The following GUCY1A2 variants were observed in gnomAD, a reference collection of about 807,000 sequenced individuals.
GUCY1A2 encodes the protein guanylate cyclase soluble subunit alpha-2.
A neutral mutation model predicts 63.5 loss-of-function variants in GUCY1A2; 27 were observed. The ratio of observed to expected loss-of-function variants is 0.43; its 90% CI spans 0.31 to 0.59. The LOEUF is 0.59. Among genes scored for constraint, GUCY1A2 ranks in the 20% least tolerant of loss-of-function variants. The probability of loss-of-function intolerance (pLI) is 0.11; values close to 1 mark genes in which losing one functional copy is unlikely to be tolerated. For synonymous variants in GUCY1A2, 364 were observed against 343.5 expected (o/e 1.06, Z -0.66); for missense variants, 768 against 913.3 (o/e 0.84, Z 2.05).
At chr11:106,777,600 T>C (rs1864380880) in intron 5 of GUCY1A2, among the ~76,000 whole-genome samples, 1 of 151,446 alleles carries the variant, frequency 6.6e-6, no homozygotes, top group East Asian at 1.9e-4. Flanking sequence ...AAACACTGCA[T>C]GTTCTCACTC....
At chr11:106,816,748 A>G (rs182429978) in intron 4 of GUCY1A2, among the ~76,000 whole-genome samples, 2 of 151,972 alleles carry the variant, frequency 1.3e-5, no homozygotes, top group African/African-American at 4.8e-5. Context: ...AAAAATCAAC[A>G]TAAGGAACAA....
At chr11:106,831,729 A>G (rs7941031) in intron 4 of GUCY1A2, among the ~76,000 whole-genome samples, 4 of 152,112 alleles carry the variant, frequency 2.6e-5, no homozygotes, top group African/African-American at 9.7e-5. Flanking sequence ...AGAGGCACCC[A>G]ACCTGCCTCA....
chr11:106,950,726 C>T (rs1054700236), intron 3 of GUCY1A2, among the ~76,000 whole-genome samples: 9 of 152,184 alleles, frequency 5.9e-5, no homozygotes, highest in African/African-American at 9.7e-5. Flanking sequence ...GGAGGGCTTA[C>T]TCAGAGCTGT....
chr11:106,870,756 T>G (rs1036700970), intron 4 of GUCY1A2, among the ~76,000 whole-genome samples: 3 of 152,124 alleles, frequency 2.0e-5, no homozygotes, highest in Non-Finnish European at 4.4e-5. Flanking sequence ...CCAGAAAGCT[T>G]CTTCTTCTCT....
intron 1 of GUCY1A2, among the ~76,000 whole-genome samples, chr11:106,990,890 A>C (rs1264469422): frequency 6.6e-6 from 1 of 152,248 alleles, no homozygotes; most frequent in Non-Finnish European, 1.5e-5. Flanking sequence ...TAATTTAAAA[A>C]CAATCAAACT....
chr11:106,948,657 A>G (rs1035612240), intron 3 of GUCY1A2, among the ~76,000 whole-genome samples: 3 of 152,220 alleles, frequency 2.0e-5, no homozygotes, highest in African/African-American at 7.2e-5. Context: ...TGGAGGTTCT[A>G]GAAAATACTG....
intron 4 of GUCY1A2, among the ~76,000 whole-genome samples, chr11:106,842,720 G>C (rs1265722514): frequency 1.3e-5 from 2 of 151,940 alleles, no homozygotes; most frequent in East Asian, 1.9e-4. Flanking sequence ...GAGGAAAAAG[G>C]GGGTAGGGAG....
chr11:106,932,423 A>C (rs1860615868), intron 4 of GUCY1A2, among the ~76,000 whole-genome samples: 1 of 152,134 alleles, frequency 6.6e-6, no homozygotes, highest in Admixed American at 6.6e-5. Context: ...TTTTAACCTT[A>C]TACTAATTTT....
intron 4 of GUCY1A2, among the ~76,000 whole-genome samples, chr11:106,850,132 C>A (rs1264150808): frequency 1.3e-5 from 2 of 151,674 alleles, no homozygotes; most frequent in African/African-American, 2.4e-5. Context: ...TAAATGGAAC[C>A]ATATTCCCAT....
chr11:106,917,905 A>G (rs1167415702), intron 4 of GUCY1A2, among the ~76,000 whole-genome samples: 2 of 140,664 alleles, frequency 1.4e-5, no homozygotes, highest in Non-Finnish European at 3.2e-5. Context: ...TAACTAACCT[A>G]CACGTTGTGC....
At chr11:106,892,787 T>A (rs1299425723) in intron 4 of GUCY1A2, among the ~76,000 whole-genome samples, 4 of 152,152 alleles carry the variant, frequency 2.6e-5, no homozygotes, top group African/African-American at 9.7e-5. Flanking sequence ...AATTATCCAA[T>A]GTGTAGAAAA....
chr11:106,869,772 A>C (rs377102431), intron 4 of GUCY1A2, among the ~76,000 whole-genome samples: 3 of 152,058 alleles, frequency 2.0e-5, no homozygotes, highest in Admixed American at 1.3e-4. Context: ...ACCCAAAGGA[A>C]TATAAATCAT....
At chr11:106,977,748 T>C (rs1861281033) in intron 3 of GUCY1A2, among the ~76,000 whole-genome samples, 1 of 152,186 alleles carries the variant, frequency 6.6e-6, no homozygotes, top group Non-Finnish European at 1.5e-5. Flanking sequence ...GTCCATCACC[T>C]GACCCCAAAA....
At chr11:106,914,973 A>T (rs1565330261) in intron 4 of GUCY1A2, among the ~76,000 whole-genome samples, 3 of 152,126 alleles carry the variant, frequency 2.0e-5, no homozygotes, top group East Asian at 1.9e-4. Flanking sequence ...GTTGAAATTT[A>T]AAAAAACGCC....
At chr11:106,921,470 T>G (rs1860443339) in intron 4 of GUCY1A2, among the ~76,000 whole-genome samples, 1 of 152,110 alleles carries the variant, frequency 6.6e-6, no homozygotes, top group Non-Finnish European at 1.5e-5. Context: ...ACTGCTACTC[T>G]TTTACTAAAA....
At chr11:106,833,376 A>T (rs1473902495) in intron 4 of GUCY1A2, among the ~76,000 whole-genome samples, 1 of 152,120 alleles carries the variant, frequency 6.6e-6, no homozygotes, top group African/African-American at 2.4e-5. Context: ...TCACTAGATT[A>T]TGGGAGTGGT....
chr11:106,890,838 T>C (rs74852600), intron 4 of GUCY1A2, among the ~76,000 whole-genome samples: 6,188 of 152,244 alleles, frequency 0.041, 675 homozygotes, highest in East Asian at 0.3. Context: ...ATTGCAATGA[T>C]GACAAAATAT....
chr11:106,823,285 C>T (rs1472325693), intron 4 of GUCY1A2, among the ~76,000 whole-genome samples: 1 of 152,066 alleles, frequency 6.6e-6, no homozygotes, highest in Non-Finnish European at 1.5e-5. Flanking sequence ...CTACTATTTC[C>T]ATCTTTATGT....
chr11:106,739,775 C>T (rs951094583), intron 6 of GUCY1A2, among the ~76,000 whole-genome samples: 10 of 152,054 alleles, frequency 6.6e-5, no homozygotes, highest in Admixed American at 2.0e-4. Context: ...TATGGTGAAC[C>T]ATAAGATATC....
Sources: gnomAD v4.1 joint callset for allele counts (sites outside exome capture counted in the v4.1 genomes callset) on GRCh38, gnomAD v4.1.1 for gene constraint, MANE v1.5 for transcripts, NCBI Gene and HGNC (gene_info 2026-07-23, HGNC 2026-07-21) for gene names.